PRKACB: variants seen among roughly 807,000 people sequenced by gnomAD.
PRKACB encodes protein kinase cAMP-activated catalytic subunit beta.
In PRKACB, 16 loss-of-function variants were observed where a neutral mutation model predicts 51.4. The observed-to-expected ratio is 0.31, with a 90% confidence interval of 0.21 to 0.47. The LOEUF (loss-of-function observed/expected upper bound fraction) is 0.47. PRKACB is among the 20% of genes least tolerant of loss of function. PRKACB has a pLI of 1.00. For synonymous variants in PRKACB, 147 were observed against 154.4 expected, an observed-to-expected ratio of 0.95 and a Z score of 0.35; for missense variants, 309 against 464.5, an observed-to-expected ratio of 0.67 and a Z score of 3.08.
At position 84,197,699 on chromosome 1, in the gene PRKACB, T is replaced by C. The variant is rs112549330; in HGVS notation, c.688-30T>C. On this transcript the variant is annotated intron_variant, in intron 6 of 9. Transcript: ENST00000370685. ...ATACATTTATTGTGAGGTAATACAT[T>C]TTCACTAGTATTCTTTTTTTCTTTT... 4.1e-4 allele frequency: 589 copies of C among 1,447,316 alleles called. 3 individuals are homozygous for C. The African/African-American group carries it at 7.4e-3, about 18-fold the overall frequency. The allele number at this position is 1,447,316 out of a possible 1,614,324, so 89.7% of individuals were successfully genotyped here.
At chr1:84,187,441 T>A (rs776299307) in intron 5 of PRKACB, among the ~76,000 whole-genome samples, 1 of 152,134 alleles carries the variant, frequency 6.6e-6, no homozygotes, top group Non-Finnish European at 1.5e-5. Context: ...GTTCACACCA[T>A]GGAAAACATC....
intron 1 of PRKACB, among the ~76,000 whole-genome samples, chr1:84,097,288 T>C (rs1648993063): frequency 6.6e-6 from 1 of 152,040 alleles, no homozygotes; most frequent in South Asian, 2.1e-4. Context: ...ATAAAGTATA[T>C]GTATCTGTAG....
In PRKACB at chr1:84,085,939, G is replaced by A. The variant is rs1473832981; in HGVS notation, c.46+7568G>A. 5.8e-6 allele frequency: 4 copies of A among 688,602 alleles called. No individual in the cohort carries two copies. In the Admixed American group the frequency reaches 6.3e-5, roughly 11 times the overall value. 42.7% of individuals were successfully genotyped at this position (688,602 alleles called of 1,614,324 possible). ...CTCAATGACCATTAATATCCAGGAT[G>A]GACCTGACTTTCAAGACCAACAGTG... is the stretch of plus-strand genomic sequence containing the variant. On this transcript the variant is annotated intron_variant, in intron 1 of 8. Transcript: ENST00000370688.
At chr1:84,129,479 A>C (rs1048938875) in intron 1 of PRKACB, among the ~76,000 whole-genome samples, 2 of 152,198 alleles carry the variant, frequency 1.3e-5, no homozygotes, top group Admixed American at 6.5e-5. Flanking sequence ...TTGTCTCATA[A>C]AGTACTGTGA....
intron 7 of PRKACB, among the ~76,000 whole-genome samples, chr1:84,200,320 C>A (rs571990185): frequency 2.0e-5 from 3 of 152,052 alleles, no homozygotes; most frequent in African/African-American, 7.2e-5. Context: ...CTTTGCCCAC[C>A]TTTTCATGGG....
chr1:84,112,659 A>G lies in PRKACB; in HGVS notation c.46+34288A>G, dbSNP rs557747888. 3.3e-5 allele frequency among the ~76,000 whole-genome samples: 5 copies of G among 152,296 alleles called. No individual in the cohort carries two copies. In the East Asian group the frequency reaches 9.6e-4, roughly 29 times the overall value. Reference sequence around the variant, plus strand: ...TTTTCTGCTTAAATTGACTAGCATCAATTTTTAATTTACATTTTTGCAACT... The same window carrying G: ...TTTTCTGCTTAAATTGACTAGCATCGATTTTTAATTTACATTTTTGCAACT... On this transcript the variant is annotated intron_variant, in intron 1 of 8. Transcript: ENST00000370688.
chr1:84,144,264 G>A (rs1335381495), upstream of PRKACB: 1 of 1,524,154 alleles, frequency 6.6e-7, no homozygotes, highest in Non-Finnish European at 8.7e-7. Flanking sequence ...CAAACAGGAA[G>A]TTTGACACAT....
At chr1:84,196,909 A>G (rs545363741) in intron 6 of PRKACB, among the ~76,000 whole-genome samples, 167 bp downstream of exon 6, 3 of 152,178 alleles carry the variant, frequency 2.0e-5, no homozygotes, top group African/African-American at 7.2e-5. Context: ...AAATCCTGTT[A>G]TGAAAGGAAC....
intron 1 of PRKACB, among the ~76,000 whole-genome samples, chr1:84,123,964 A>T (rs1651320360): frequency 6.6e-6 from 1 of 152,174 alleles, no homozygotes; most frequent in Admixed American, 6.5e-5. Flanking sequence ...GGAAATGCAT[A>T]GCTCCCTAAA....
At chr1:84,100,869 C>T (rs923225423) in intron 1 of PRKACB, among the ~76,000 whole-genome samples, 5 of 152,164 alleles carry the variant, frequency 3.3e-5, no homozygotes, top group Admixed American at 6.6e-5. Flanking sequence ...GATTAAGTAA[C>T]TTGTCCAAAG....
chr1:84,116,892 T>A (rs1650681315), intron 1 of PRKACB, among the ~76,000 whole-genome samples: 1 of 152,184 alleles, frequency 6.6e-6, no homozygotes, highest in African/African-American at 2.4e-5. Context: ...CTGGTCTTGT[T>A]CTATTTCTTA....
At chr1:84,179,005 T>A (rs1383822006) in intron 1 of PRKACB, 172 bp from the exon 2 acceptor site, 7 of 683,786 alleles carry the variant, frequency 1.0e-5, no homozygotes, top group East Asian at 3.6e-5. Flanking sequence ...TTTGAGAAGG[T>A]TCTTAGAGAT....
At chr1:84,160,009 A>G (rs977477115) in intron 1 of PRKACB, among the ~76,000 whole-genome samples, 2 of 152,078 alleles carry the variant, frequency 1.3e-5, no homozygotes, top group African/African-American at 2.4e-5. Flanking sequence ...TTTTGCATCA[A>G]TGTTTGCAAT....
At position 84,078,372 on chromosome 1, in the gene PRKACB, G is replaced by C; in HGVS notation, c.46+1G>C. 2 of 1,611,928 alleles carry C rather than the reference G, an allele frequency of 1.2e-6. No homozygotes were observed. The highest frequency in any genetic ancestry group is 1.7e-6 in the Non-Finnish European group (2 of 1,179,166). On this transcript the variant is annotated splice_donor_variant, in intron 1 of 8. Coordinates refer to the PRKACB transcript ENST00000370688. LOFTEE classifies it high-confidence loss of function. ...AAGAAAGGCAGCGAGGTGGAGAGCG[G>C]TGAGTTGAAGGCCGGGTCTGGGTAT...
At chr1:84,171,819 C>G (rs1306879980) in intron 1 of PRKACB, among the ~76,000 whole-genome samples, 2 of 151,400 alleles carry the variant, frequency 1.3e-5, no homozygotes, top group African/African-American at 4.8e-5. Flanking sequence ...CAGAATCTGG[C>G]AAGATTGCCA....
At chr1:84,093,319 T>C (rs575439559) in intron 1 of PRKACB, among the ~76,000 whole-genome samples, 4 of 151,886 alleles carry the variant, frequency 2.6e-5, no homozygotes, top group African/African-American at 9.7e-5. Flanking sequence ...GTGTGTGTGG[T>C]GAGGTAGGAG....
At chr1:84,159,690 T>C (rs1386305734) in intron 1 of PRKACB, among the ~76,000 whole-genome samples, 2 of 152,158 alleles carry the variant, frequency 1.3e-5, no homozygotes, top group Non-Finnish European at 1.5e-5. Context: ...GTTCCATCTT[T>C]CATCATTAAA....
chr1:84,193,539 G>A (rs1018643342), intron 5 of PRKACB, among the ~76,000 whole-genome samples: 5 of 152,276 alleles, frequency 3.3e-5, no homozygotes, highest in South Asian at 4.1e-4. Flanking sequence ...GAAGTTTTAC[G>A]TTTTGGGACA....
intron 1 of PRKACB, among the ~76,000 whole-genome samples, chr1:84,155,597 T>G (rs1655397447): frequency 6.6e-6 from 1 of 152,174 alleles, no homozygotes; most frequent in Admixed American, 6.5e-5. Flanking sequence ...TGTTAAAAAT[T>G]GGTCAGTGAG....
Sources: allele counts gnomAD v4.1 joint callset (sites outside exome capture counted in the v4.1 genomes callset), GRCh38; gene constraint gnomAD v4.1.1; transcripts MANE v1.5; gene names NCBI Gene and HGNC (gene_info 2026-07-23, HGNC 2026-07-21).